Variants in CELF2 observed in about 807,000 individuals in gnomAD.
The protein encoded by CELF2 is CUGBP Elav-like family member 2, also known as CUG triplet repeat RNA-binding protein 2.
In CELF2, 8 loss-of-function variants were observed where a neutral mutation model predicts 62.6. The ratio of observed to expected loss-of-function variants is 0.13; its 90% confidence interval spans 0.07 to 0.23. The LOEUF is 0.23. Among genes scored for constraint, CELF2 ranks in the 10% least tolerant of loss-of-function variants. The probability of loss-of-function intolerance (pLI) is 1.00; values close to 1 mark genes in which losing one functional copy is unlikely to be tolerated. For missense variants in CELF2, 333 were observed against 671.0 expected, an observed-to-expected ratio of 0.50 and a Z score of 5.56; for synonymous variants, 258 against 250.0, an observed-to-expected ratio of 1.03 and a Z score of -0.30.
At chr10:10,584,119 C>A in the CELF2 span, among the ~76,000 whole-genome samples, 1 of 152,088 alleles carries the variant, frequency 6.6e-6, no homozygotes, top group Non-Finnish European at 1.5e-5. Context: ...TAAAAACAAG[C>A]AAGAAATAAG....
At chr10:11,013,024 C>A (rs948972156), upstream of CELF2, among the ~76,000 whole-genome samples, 4 of 152,136 alleles carry the variant, frequency 2.6e-5, no homozygotes, top group African/African-American at 9.7e-5. This position sits in a 1 kb window ranked among gnomAD's most constrained non-coding sequence, Gnocchi z 4.1. Flanking sequence ...TCCATCCTCC[C>A]CCTCCTCTTC....
At chr10:10,996,839 CT>C (rs2054006580) in intron 2 of CELF2, among the ~76,000 whole-genome samples, 1 of 152,140 alleles carries the variant, frequency 6.6e-6, no homozygotes, top group Admixed American at 6.5e-5. Context: ...TCCTCCTCCC[CT>C]GGGAGGTGCT....
chr10:10,769,744 A>G, the CELF2 span, among the ~76,000 whole-genome samples: 1 of 152,130 alleles, frequency 6.6e-6, no homozygotes. Context: ...AGCCTGGGCG[A>G]CAGAGCAAGA....
intron 1 of CELF2, among the ~76,000 whole-genome samples, chr10:10,845,147 G>A (rs773406738): frequency 4.6e-5 from 7 of 152,004 alleles, no homozygotes; most frequent in Non-Finnish European, 5.9e-5. Context: ...CATCATAGAC[G>A]AGAAATTGCT....
intron 1 of CELF2, among the ~76,000 whole-genome samples, chr10:10,891,120 G>T (rs922706534): frequency 6.6e-6 from 1 of 152,204 alleles, no homozygotes; most frequent in African/African-American, 2.4e-5. Flanking sequence ...ATTTCCAGAC[G>T]ATTAGACATA....
chr10:10,729,870 C>A, the CELF2 span, among the ~76,000 whole-genome samples: 1 of 152,074 alleles, frequency 6.6e-6, no homozygotes, highest in Non-Finnish European at 1.5e-5. Context: ...GCTTATTACT[C>A]TTACAGTGAA....
chr10:10,741,295 G>A, the CELF2 span, among the ~76,000 whole-genome samples: 10 of 151,944 alleles, frequency 6.6e-5, no homozygotes, highest in African/African-American at 1.9e-4. Context: ...GGCAGATCAC[G>A]ATGTCAACAG....
chr10:10,479,713 C>T, the CELF2 span, among the ~76,000 whole-genome samples: 1 of 152,114 alleles, frequency 6.6e-6, no homozygotes, highest in Non-Finnish European at 1.5e-5. Context: ...TTGGACACGT[C>T]ATTTAATATT....
chr10:10,839,974 C>G (rs544532929), intron 1 of CELF2, among the ~76,000 whole-genome samples: 2 of 152,178 alleles, frequency 1.3e-5, no homozygotes, highest in Admixed American at 6.5e-5. Flanking sequence ...TAGTATGTAG[C>G]CTTTTTAGAG....
At chr10:10,552,413 A>G in the CELF2 span, among the ~76,000 whole-genome samples, 1 of 152,222 alleles carries the variant, frequency 6.6e-6, no homozygotes, top group African/African-American at 2.4e-5. Context: ...AGCAGAAAAT[A>G]AATGGGAATT....
In CELF2 at chr10:11,332,584, A is replaced by G. The variant is rs1432583440; in HGVS notation, c.*3531A>G. 6.6e-6 allele frequency: 1 copy of G among 150,732 alleles called. No individual in the cohort carries two copies. The highest frequency in any genetic ancestry group is 1.9e-4 in the East Asian group (1 of 5,194). The allele number at this position is 150,732 out of a possible 1,614,324, so 9.3% of individuals were successfully genotyped here. A position where few individuals can be genotyped will look rare whatever the true frequency, so the allele number is the denominator to read the frequency against. On this transcript the variant is annotated 3_prime_UTR_variant, in exon 13 of 13. Coordinates refer to ENST00000633077, the MANE Select transcript of CELF2 (RefSeq NM_001326342.2). ...TACCTTGCTGTCTTGACAAATCCTA[A>G]TGTCACGCCTACAGCCCCAACACAA...
the CELF2 span, among the ~76,000 whole-genome samples, chr10:10,631,637 C>T: frequency 1.3e-5 from 2 of 152,158 alleles, no homozygotes; most frequent in Admixed American, 6.5e-5. Context: ...AAAATGTGAA[C>T]GAGCAGTGAT....
intron 2 of CELF2, among the ~76,000 whole-genome samples, chr10:10,924,281 CAAAAAAAAAAAAAAA>C (rs11415164): frequency 0.071 from 3,216 of 45,186 alleles, 74 homozygotes; most frequent in Middle Eastern, 0.24. Flanking sequence ...GACTCCGTCC[CAAAAAAAAAAAAAAA>C]AAAAAAAAAA....
At chr10:10,692,348 G>T in the CELF2 span, among the ~76,000 whole-genome samples, 3 of 151,420 alleles carry the variant, frequency 2.0e-5, no homozygotes, top group Admixed American at 6.6e-5. Flanking sequence ...TGAGGGCTCT[G>T]TTCTGTTCCA....
At chr10:11,132,551 T>G (rs2059776726) in intron 1 of CELF2, among the ~76,000 whole-genome samples, 1 of 152,148 alleles carries the variant, frequency 6.6e-6, no homozygotes. Flanking sequence ...ACTCAAAGGA[T>G]TATGTATTAA....
chr10:10,793,290 CATTT>C, the CELF2 span, among the ~76,000 whole-genome samples: 1 of 152,242 alleles, frequency 6.6e-6, no homozygotes, highest in African/African-American at 2.4e-5. Context: ...AAGTTACATT[CATTT>C]ATCTAAAAAA....
rs183299073 is a variant in CELF2 at position 11,064,609 on chromosome 10, T to C, written c.74+46446T>C. ...AAAATTATTCAGGTATTTTGACCTG[T>C]TCTGCTTCAAATAGAGTATATAAAT... is the stretch of plus-strand genomic sequence containing the variant. On this transcript the variant is annotated intron_variant, in intron 1 of 12. Coordinates refer to ENST00000633077, the MANE Select transcript of CELF2 (RefSeq NM_001326342.2). Among the ~76,000 whole-genome samples, 16 of 152,274 alleles carry C rather than the reference T, an allele frequency of 1.1e-4. No homozygotes were observed. The Middle Eastern group carries it at 0.01, about 97-fold the overall frequency.
In CELF2 at chr10:11,010,301, AC is replaced by A. The variant is rs1231206053; in HGVS notation, c.53+4862del. 1 of 152,190 alleles carries A rather than the reference AC, an allele frequency of 6.6e-6. No individual in the cohort carries two copies. The highest frequency in any genetic ancestry group is 6.5e-5 in the Admixed American group (1 of 15,276). The allele number at this position is 152,190 out of a possible 1,614,324, so 9.4% of individuals were successfully genotyped here. A position where few individuals can be genotyped will look rare whatever the true frequency, so the allele number is the denominator to read the frequency against. On this transcript the variant is annotated intron_variant, in intron 1 of 12. Transcript: ENST00000416382. This position sits in a 1 kb window ranked among gnomAD's most constrained non-coding sequence, Gnocchi z 4.1. ...GATGTTCGGTGCCTGCTCTCCAGAA[AC>A]GATAACCTCCCTCTTCCCTCTGGGT...
At chr10:10,504,060 T>A in the CELF2 span, among the ~76,000 whole-genome samples, 15 of 152,076 alleles carry the variant, frequency 9.9e-5, no homozygotes, top group African/African-American at 3.6e-4. Context: ...GTCTTAAATA[T>A]TTTTCACTAT....
Sources: gnomAD v4.1 joint callset for allele counts (sites outside exome capture counted in the v4.1 genomes callset) on GRCh38, gnomAD v4.1.1 for gene constraint, Gnocchi (gnomAD v3.1) non-coding constraint, MANE v1.5 for transcripts, NCBI Gene and HGNC (gene_info 2026-07-23, HGNC 2026-07-21) for gene names.